PACRG: variants seen among roughly 807,000 people sequenced by gnomAD.
PACRG encodes parkin coregulated gene protein.
Under a neutral mutation model 29.7 loss-of-function variants are expected in PACRG, and 29 were observed. The ratio of observed to expected loss-of-function variants is 0.98; its 90% confidence interval spans 0.73 to 1.33. PACRG has a LOEUF of 1.33. Among genes scored for constraint, PACRG ranks in the 40% most tolerant of loss-of-function variants. The pLI, the probability that PACRG is intolerant of heterozygous loss-of-function variation, is 0.00. For synonymous variants in PACRG, 116 were observed against 118.7 expected (o/e 0.98, Z 0.15); for missense variants, 279 against 316.2 (o/e 0.88, Z 0.89).
chr6:162,961,255 G>C (rs1800593226), intron 2 of PACRG, among the ~76,000 whole-genome samples: 2 of 152,152 alleles, frequency 1.3e-5, no homozygotes. Context: ...TGAAAATGCT[G>C]ACTGTTAAGA....
At chr6:162,878,071 G>A (rs1393527860) in intron 2 of PACRG, among the ~76,000 whole-genome samples, 1 of 152,096 alleles carries the variant, frequency 6.6e-6, no homozygotes, top group Non-Finnish European at 1.5e-5. Flanking sequence ...AATAGTATGA[G>A]CAAAAAGCAT....
intron 2 of PACRG, among the ~76,000 whole-genome samples, chr6:162,960,630 G>A (rs949329102): frequency 6.6e-6 from 1 of 152,058 alleles, no homozygotes; most frequent in Non-Finnish European, 1.5e-5. Flanking sequence ...AGAAGCGTGC[G>A]GGTTAAAAAA....
At chr6:163,191,954 G>A (rs755978963) in intron 4 of PACRG, 102 of 340,128 alleles carry the variant, frequency 3.0e-4, no homozygotes, top group Non-Finnish European at 4.8e-4. Flanking sequence ...ACTGACCAGC[G>A]GTGCTATCTA....
At chr6:163,191,437 C>T (rs1780206886) in intron 4 of PACRG, among the ~76,000 whole-genome samples, 1 of 152,202 alleles carries the variant, frequency 6.6e-6, no homozygotes, top group Non-Finnish European at 1.5e-5. Context: ...AGGCCTTTCC[C>T]CTTCACTGCT....
At chr6:162,964,156 T>C (rs1158908006) in intron 2 of PACRG, among the ~76,000 whole-genome samples, 1 of 152,206 alleles carries the variant, frequency 6.6e-6, no homozygotes, top group African/African-American at 2.4e-5. Flanking sequence ...GCTGAAATCC[T>C]GAATGTAGAG....
At chr6:163,223,637 A>T (rs1333009719) in intron 4 of PACRG, among the ~76,000 whole-genome samples, 1 of 152,220 alleles carries the variant, frequency 6.6e-6, no homozygotes, top group Non-Finnish European at 1.5e-5. Flanking sequence ...CAAGGGTTAC[A>T]GGAGGATTTA....
chr6:162,993,029 GT>G (rs1803602869), intron 2 of PACRG, among the ~76,000 whole-genome samples: 1 of 146,160 alleles, frequency 6.8e-6, no homozygotes, highest in South Asian at 2.3e-4. Flanking sequence ...AGGTTGTTCA[GT>G]TTCCATGTAG....
At chr6:162,857,077 G>A (rs1791459759) in intron 2 of PACRG, among the ~76,000 whole-genome samples, 1 of 152,124 alleles carries the variant, frequency 6.6e-6, no homozygotes, top group Admixed American at 6.6e-5. Context: ...TTTCTATAAT[G>A]TCTGAGTCAT....
At chr6:163,295,341 C>G (rs1019981276) in intron 4 of PACRG, among the ~76,000 whole-genome samples, 3 of 152,146 alleles carry the variant, frequency 2.0e-5, no homozygotes, top group Admixed American at 1.3e-4. Context: ...ATTACAAGGG[C>G]GACCATAAGG....
intron 4 of PACRG, among the ~76,000 whole-genome samples, chr6:163,122,056 T>C (rs1215951420): frequency 1.3e-5 from 2 of 152,168 alleles, no homozygotes; most frequent in African/African-American, 4.8e-5. Flanking sequence ...GCCTTATTAA[T>C]GGTCATTTTC....
intron 2 of PACRG, among the ~76,000 whole-genome samples, chr6:162,996,920 G>T (rs1804118444): frequency 6.6e-6 from 1 of 152,082 alleles, no homozygotes; most frequent in South Asian, 2.1e-4. Context: ...TCCTATAGTG[G>T]CATAAGTCAT....
chr6:163,199,828 G>GTGTACAGA (rs1414598748), intron 4 of PACRG, among the ~76,000 whole-genome samples: 1 of 152,190 alleles, frequency 6.6e-6, no homozygotes, highest in Non-Finnish European at 1.5e-5. Flanking sequence ...GTTTGTGTAT[G>GTGTACAGA]TGTACAGATA....
chr6:163,134,315 G>A (rs1037540356), intron 4 of PACRG, among the ~76,000 whole-genome samples: 3 of 152,048 alleles, frequency 2.0e-5, no homozygotes, highest in East Asian at 1.9e-4. Context: ...TTGGCGTCTC[G>A]GGGCTGTAAG....
intron 4 of PACRG, chr6:163,112,073 A>T: frequency 1.0e-6 from 1 of 956,680 alleles, no homozygotes; most frequent in Non-Finnish European, 1.2e-6. Context: ...TTTTAAAAGC[A>T]AGGCATTGAG....
intron 4 of PACRG, among the ~76,000 whole-genome samples, chr6:163,275,542 A>G (rs1053261339): frequency 6.6e-6 from 1 of 152,214 alleles, no homozygotes; most frequent in Non-Finnish European, 1.5e-5. Context: ...TTATTTGAAG[A>G]ACAGTCTTAC....
chr6:162,878,134 A>G (rs1212832872), intron 2 of PACRG, among the ~76,000 whole-genome samples: 3 of 152,196 alleles, frequency 2.0e-5, no homozygotes, highest in Non-Finnish European at 4.4e-5. Flanking sequence ...GGGGAATTGG[A>G]ATAATAACTT....
chr6:163,110,056 A>G (rs976821196), intron 4 of PACRG, among the ~76,000 whole-genome samples: 10 of 152,184 alleles, frequency 6.6e-5, no homozygotes, highest in African/African-American at 2.2e-4. Flanking sequence ...GCTGGTAGCA[A>G]TTGTACAAAG....
chr6:163,314,606 C>G (rs1785573674), intron 4 of PACRG, among the ~76,000 whole-genome samples: 1 of 152,158 alleles, frequency 6.6e-6, no homozygotes, highest in African/African-American at 2.4e-5. Context: ...CTTTTGTTTA[C>G]TCTGTTATTC....
At chr6:163,168,153 A>G (rs1282202630) in intron 4 of PACRG, among the ~76,000 whole-genome samples, 3 of 152,200 alleles carry the variant, frequency 2.0e-5, no homozygotes, top group African/African-American at 7.2e-5. Context: ...ATCCTGTAGG[A>G]AAACAGAATG....
Sources: gnomAD v4.1 joint callset for allele counts (sites outside exome capture counted in the v4.1 genomes callset) on GRCh38, gnomAD v4.1.1 for gene constraint, MANE v1.5 for transcripts, NCBI Gene and HGNC (gene_info 2026-07-23, HGNC 2026-07-21) for gene names.